Variants in CAST observed in about 807,000 individuals in gnomAD.
CAST encodes the protein MIR583 host.
In CAST, 76 loss-of-function variants were observed where a neutral mutation model predicts 119.6. The ratio of observed to expected loss-of-function variants is 0.64; its 90% CI spans 0.53 to 0.77. The LOEUF (loss-of-function observed/expected upper bound fraction) is 0.77, where lower values mean the gene tolerates loss of function less well. CAST is among the 30% of genes least tolerant of loss of function. The pLI, the probability that CAST is intolerant of heterozygous loss-of-function variation, is 0.00. For missense variants in CAST, 953 were observed against 946.5 expected (o/e 1.01, Z -0.09); for synonymous variants, 319 against 331.6 (o/e 0.96, Z 0.41).
the CAST span, among the ~76,000 whole-genome samples, chr5:95,964,139 G>C: frequency 1.8e-4 from 28 of 152,102 alleles, no homozygotes; most frequent in Admixed American, 4.6e-4. Flanking sequence ...CTTTTCAACT[G>C]TGGAAGGAGG....
At chr5:96,095,310 G>A in the CAST span, among the ~76,000 whole-genome samples, 1 of 151,958 alleles carries the variant, frequency 6.6e-6, no homozygotes, top group African/African-American at 2.4e-5. Flanking sequence ...TTCTGGCCAG[G>A]TGTAGTGGCT....
the CAST span, chr5:96,379,662 G>A: frequency 2.0e-5 from 3 of 152,130 alleles, no homozygotes; most frequent in Non-Finnish European, 4.4e-5. Context: ...GGTAGAGTTT[G>A]CTGTGTTTAT....
chr5:96,321,067 G>A, the CAST span, among the ~76,000 whole-genome samples: 3 of 152,332 alleles, frequency 2.0e-5, no homozygotes, highest in African/African-American at 7.2e-5. Context: ...TGGTAAAGGT[G>A]AGAGTGCTTA....
the CAST span, among the ~76,000 whole-genome samples, chr5:96,374,005 G>A: frequency 1.3e-5 from 2 of 152,122 alleles, no homozygotes; most frequent in Non-Finnish European, 2.9e-5. Context: ...TGTTCTGATT[G>A]CGGGCAGCAG....
chr5:96,687,237 A>G (rs1440253857), intron 2 of CAST, among the ~76,000 whole-genome samples: 1 of 152,190 alleles, frequency 6.6e-6, no homozygotes, highest in East Asian at 1.9e-4. Context: ...GAGGATTCTG[A>G]CTAAAGTAGC....
At chr5:96,117,581 A>G in the CAST span, among the ~76,000 whole-genome samples, 3 of 152,204 alleles carry the variant, frequency 2.0e-5, no homozygotes, top group Non-Finnish European at 4.4e-5. Flanking sequence ...GGTAGATATG[A>G]ACTTCAGGTA....
chr5:96,690,567 G>T (rs1752619302), intron 2 of CAST, among the ~76,000 whole-genome samples: 1 of 152,118 alleles, frequency 6.6e-6, no homozygotes, highest in South Asian at 2.1e-4. Flanking sequence ...ATGAGTTAAT[G>T]GTAAGGCTTA....
At chr5:96,490,735 T>TA in the CAST span, among the ~76,000 whole-genome samples, 10 of 151,948 alleles carry the variant, frequency 6.6e-5, no homozygotes, top group African/African-American at 1.7e-4. Context: ...CTGATACTAC[T>TA]AAAAAAATCA....
chr5:96,223,791 G>C, the CAST span, among the ~76,000 whole-genome samples: 1 of 152,180 alleles, frequency 6.6e-6, no homozygotes, highest in South Asian at 2.1e-4. Flanking sequence ...TCAATGTCCT[G>C]GGCTCACCCT....
chr5:96,346,776 G>C, the CAST span, among the ~76,000 whole-genome samples: 3 of 152,152 alleles, frequency 2.0e-5, no homozygotes, highest in Non-Finnish European at 4.4e-5. Context: ...CCTGTTCTGT[G>C]ACCCCCATCT....
chr5:96,064,742 A>G, the CAST span, among the ~76,000 whole-genome samples: 15 of 152,322 alleles, frequency 9.8e-5, no homozygotes, highest in East Asian at 2.9e-3. Context: ...TTAAATAGTT[A>G]TAAGCCCATA....
the CAST span, among the ~76,000 whole-genome samples, chr5:96,180,339 G>A: frequency 1.3e-5 from 2 of 152,196 alleles, no homozygotes; most frequent in Non-Finnish European, 2.9e-5. Flanking sequence ...GTACACCAGG[G>A]GAGGTGTGAT....
intron 1 of CAST, among the ~76,000 whole-genome samples, chr5:96,595,059 A>G (rs1402603356): frequency 1.3e-5 from 2 of 152,212 alleles, no homozygotes; most frequent in Non-Finnish European, 2.9e-5. Context: ...GGCTAGGTCT[A>G]TGTTAGGCAC....
the CAST span, chr5:96,410,692 C>T: frequency 8.8e-7 from 1 of 1,130,662 alleles, no homozygotes; most frequent in East Asian, 2.3e-5. Context: ...TCAGTCGTAC[C>T]AAAGGTCAGT....
intron 1 of CAST, among the ~76,000 whole-genome samples, chr5:96,627,950 AT>A (rs1342411684): frequency 6.6e-6 from 1 of 152,214 alleles, no homozygotes; most frequent in East Asian, 1.9e-4. Context: ...AAGGCAGAAT[AT>A]TTGTTGCTCC....
Position 96,568,518 on chromosome 5 carries a change from T to C in CAST, c.60+38638T>C, listed in dbSNP as rs1033136419. 4.5e-5 allele frequency among the ~76,000 whole-genome samples: 6 copies of C among 134,720 alleles called. No individual in the cohort carries two copies. In the Admixed American group the frequency reaches 5.2e-4, roughly 12 times the overall value. 88.4% of individuals were successfully genotyped at this position (134,720 alleles called of 152,430 possible). ...AGGCAGAGTTTGCAGTGAGCCAAGA[T>C]TGCACCACTGCACTCCAGCCTGGGC... On this transcript the variant is annotated intron_variant, in intron 1 of 11. Transcript: ENST00000505143.
chr5:96,587,433 T>C (rs1362995790), intron 1 of CAST, among the ~76,000 whole-genome samples: 3 of 152,228 alleles, frequency 2.0e-5, no homozygotes, highest in African/African-American at 4.8e-5. Context: ...TGCTGGTAAA[T>C]ATACAGAGAG....
chr5:96,335,405 C>T, the CAST span, among the ~76,000 whole-genome samples: 1 of 152,084 alleles, frequency 6.6e-6, no homozygotes, highest in African/African-American at 2.4e-5. Flanking sequence ...TTGTGTGCAC[C>T]ACTCACTCTC....
the CAST span, among the ~76,000 whole-genome samples, chr5:96,161,886 A>T: frequency 6.6e-6 from 1 of 152,106 alleles, no homozygotes; most frequent in African/African-American, 2.4e-5. Context: ...TTGTAAATAG[A>T]ATTGTTTTCT....
Sources: allele counts gnomAD v4.1 joint callset (sites outside exome capture counted in the v4.1 genomes callset), GRCh38; gene constraint gnomAD v4.1.1; transcripts MANE v1.5; gene names NCBI Gene and HGNC (gene_info 2026-07-23, HGNC 2026-07-21).